Variants in CNTNAP2 observed in about 807,000 individuals in gnomAD.
CNTNAP2 encodes the protein contactin associated protein 2, also known as contactin-associated protein-like 2.
Under a neutral mutation model 155.2 loss-of-function variants are expected in CNTNAP2, and 98 were observed. The ratio of observed to expected loss-of-function variants is 0.63; its 90% CI spans 0.54 to 0.75. The LOEUF (loss-of-function observed/expected upper bound fraction) is 0.75. Ranked by LOEUF, CNTNAP2 falls within the 30% of genes least tolerant of loss-of-function variation. The pLI, the probability that CNTNAP2 is intolerant of heterozygous loss-of-function variation, is 0.00. For missense variants in CNTNAP2, 1,727 were observed against 1,688.1 expected, an observed-to-expected ratio of 1.02 and a Z score of -0.40; for synonymous variants, 651 against 631.2, an observed-to-expected ratio of 1.03 and a Z score of -0.47.
At chr7:146,493,173 C>G (rs1009395430) in intron 1 of CNTNAP2, among the ~76,000 whole-genome samples, 1 of 152,102 alleles carries the variant, frequency 6.6e-6, no homozygotes, top group African/African-American at 2.4e-5. Context: ...TTATATACCT[C>G]CGTTTATCCA....
chr7:147,767,089 A>T (rs1722559957), intron 13 of CNTNAP2, among the ~76,000 whole-genome samples: 2 of 152,092 alleles, frequency 1.3e-5, no homozygotes, highest in African/African-American at 4.8e-5. Context: ...CTAAACATTT[A>T]TTTGAAATCA....
intron 15 of CNTNAP2, among the ~76,000 whole-genome samples, chr7:148,085,507 C>T (rs139952201): frequency 0.012 from 1,870 of 152,174 alleles, 39 homozygotes; most frequent in African/African-American, 0.042. Context: ...CCTCTAAGTG[C>T]TGTATCTGAA....
chr7:147,198,966 T>C (rs1802865234), intron 8 of CNTNAP2, among the ~76,000 whole-genome samples: 1 of 147,086 alleles, frequency 6.8e-6, no homozygotes, highest in Non-Finnish European at 1.5e-5. Flanking sequence ...TTTTTTTTTT[T>C]TTTTTTTTTT....
intron 10 of CNTNAP2, among the ~76,000 whole-genome samples, chr7:147,416,929 A>G (rs1343021390): frequency 6.6e-6 from 1 of 152,024 alleles, no homozygotes; most frequent in East Asian, 1.9e-4. Flanking sequence ...TCTCTACTAA[A>G]AATACAAAAA....
At chr7:146,231,623 C>T (rs563565567) in intron 1 of CNTNAP2, among the ~76,000 whole-genome samples, 1 of 152,274 alleles carries the variant, frequency 6.6e-6, no homozygotes, top group Non-Finnish European at 1.5e-5. Flanking sequence ...TCTTTGTATC[C>T]TATTTTGACC....
intron 3 of CNTNAP2, among the ~76,000 whole-genome samples, chr7:147,039,079 C>T (rs1001647594): frequency 2.0e-5 from 3 of 151,940 alleles, no homozygotes; most frequent in African/African-American, 7.3e-5. Flanking sequence ...TTTGCATAAA[C>T]GATATATGTA....
At chr7:146,732,743 T>C (rs141098947) in intron 1 of CNTNAP2, among the ~76,000 whole-genome samples, 1 of 152,242 alleles carries the variant, frequency 6.6e-6, no homozygotes, top group African/African-American at 2.4e-5. Flanking sequence ...GCTTCAGTTC[T>C]TTATTTTAAA....
intron 8 of CNTNAP2, among the ~76,000 whole-genome samples, chr7:147,292,246 T>G (rs571919634): frequency 6.6e-6 from 1 of 152,316 alleles, no homozygotes; most frequent in South Asian, 2.1e-4. Flanking sequence ...ACATCTTCTC[T>G]GTATTTATCC....
At chr7:147,097,831 A>G (rs929327100) in intron 4 of CNTNAP2, among the ~76,000 whole-genome samples, 4 of 152,226 alleles carry the variant, frequency 2.6e-5, no homozygotes, top group African/African-American at 9.6e-5. Flanking sequence ...CGTGTTTCAA[A>G]GAGGAATTTT....
chr7:146,490,436 TAA>T (rs1482781662), intron 1 of CNTNAP2, among the ~76,000 whole-genome samples: 1 of 152,210 alleles, frequency 6.6e-6, no homozygotes, highest in Non-Finnish European at 1.5e-5. Context: ...ACACAAAGTG[TAA>T]AGACTGTGGG....
intron 1 of CNTNAP2, among the ~76,000 whole-genome samples, chr7:146,321,171 G>C: frequency 1.3e-5 from 2 of 151,948 alleles, no homozygotes; most frequent in South Asian, 4.2e-4. Context: ...GGTAAAATAG[G>C]GTAGCCGAAA....
At chr7:147,777,518 G>T (rs1797603705) in intron 13 of CNTNAP2, among the ~76,000 whole-genome samples, 1 of 152,128 alleles carries the variant, frequency 6.6e-6, no homozygotes, top group South Asian at 2.1e-4. Flanking sequence ...CCCTACTTGG[G>T]TCAGCCCTAT....
chr7:146,638,585 C>T (rs569892784), intron 1 of CNTNAP2, among the ~76,000 whole-genome samples: 86 of 145,024 alleles, frequency 5.9e-4, no homozygotes, highest in Non-Finnish European at 1.0e-3. Context: ...CCCGGGTTCA[C>T]GCCATTCTCC....
At chr7:148,407,863 C>T (rs1205187509) in intron 22 of CNTNAP2, among the ~76,000 whole-genome samples, 1 of 152,146 alleles carries the variant, frequency 6.6e-6, no homozygotes, top group African/African-American at 2.4e-5. Flanking sequence ...AGTGTCTGTG[C>T]TTTTACTCAG....
At chr7:148,360,810 C>CTTTTTTTTTTT (rs1177933137) in intron 21 of CNTNAP2, among the ~76,000 whole-genome samples, 6 of 138,580 alleles carry the variant, frequency 4.3e-5, no homozygotes, top group African/African-American at 1.6e-4. Context: ...TCTTTTTTTT[C>CTTTTTTTTTTT]TTTTTCTTTT....
intron 1 of CNTNAP2, among the ~76,000 whole-genome samples, chr7:146,707,146 G>A (rs1249493782): frequency 2.0e-5 from 3 of 152,116 alleles, no homozygotes; most frequent in Non-Finnish European, 4.4e-5. Context: ...ACCATTCTGG[G>A]TGGCCATTGC....
intron 13 of CNTNAP2, among the ~76,000 whole-genome samples, chr7:147,700,372 T>G (rs1329341872): frequency 6.6e-6 from 1 of 152,050 alleles, no homozygotes; most frequent in African/African-American, 2.4e-5. Context: ...AGGCCCACAG[T>G]CATAGAAGGT....
chr7:146,134,694 T>C (rs1797771037), intron 1 of CNTNAP2, among the ~76,000 whole-genome samples: 1 of 150,500 alleles, frequency 6.6e-6, no homozygotes. Context: ...TTTGGCTCTG[T>C]TTATATGCTG....
intron 1 of CNTNAP2, among the ~76,000 whole-genome samples, chr7:146,330,008 C>CTT (rs1294271211): frequency 9.7e-6 from 1 of 103,264 alleles, no homozygotes; most frequent in Admixed American, 9.9e-5. Flanking sequence ...TCAACAAGTA[C>CTT]TTTCTTTTTT....
Sources: allele counts gnomAD v4.1 joint callset (sites outside exome capture counted in the v4.1 genomes callset), GRCh38; gene constraint gnomAD v4.1.1; transcripts MANE v1.5; gene names NCBI Gene and HGNC (gene_info 2026-07-23, HGNC 2026-07-21).